PCDHA5: variants seen among roughly 807,000 people sequenced by gnomAD.
PCDHA5 encodes protocadherin alpha 5, also known as protocadherin alpha-5.
Under a neutral mutation model 61.6 loss-of-function variants are expected in PCDHA5, and 43 were observed. That is an observed-to-expected ratio of 0.70 (90% CI 0.55 to 0.90). PCDHA5 has a LOEUF of 0.90. Ranked by LOEUF, PCDHA5 falls within the 40% of genes least tolerant of loss-of-function variation. The pLI is 0.00. For synonymous variants in PCDHA5, 627 were observed against 543.9 expected (o/e 1.15, Z -2.13); for missense variants, 1,298 against 1,222.7 (o/e 1.06, Z -0.92).
In PCDHA5 at chr5:140,982,553, T is replaced by A. The variant is rs782605920; in HGVS notation, c.2490T>A (p.Ser830Arg). The A allele has an allele frequency of 1.9e-5, 30 of 1,614,054 alleles. No homozygotes were observed. In the South Asian group the frequency reaches 3.2e-4, roughly 17 times the overall value. ...GPDQQWPTVS[S>R]ATPEPEAGEV... ...ATCAGCAGTGGCCAACAGTATCCAG[T>A]GCAACACCAGGTAAAGAGCTGGGGT... The change falls in exon 3 of 4, where the codon AGT (serine) becomes AGA (arginine). Residue 830 changes from serine (S) to arginine (R), a missense_variant. Transcript: ENST00000529859.
chr5:140,896,536 CT>C (rs34213614), intron 1 of PCDHA5, among the ~76,000 whole-genome samples: 112 of 145,476 alleles, frequency 7.7e-4, no homozygotes, highest in Admixed American at 9.6e-4. Flanking sequence ...AGCTATTTTT[CT>C]TTTTTTTTTT....
rs1554204518 is a variant in PCDHA5 at position 140,927,427 on chromosome 5, G to A, written c.2353-51522G>A. Reference sequence around the variant, plus strand: ...CCTGGACATGGGATCGCGGGTTGACGGCAGCGAATACCCGGAGTTGGTGTT... The same window carrying A: ...CCTGGACATGGGATCGCGGGTTGACAGCAGCGAATACCCGGAGTTGGTGTT... On this transcript the variant is annotated intron_variant, in intron 1 of 3. Transcript: ENST00000529859. 1.2e-6 allele frequency: 2 copies of A among 1,614,114 alleles called. No homozygotes were observed. Among genetic ancestry groups the A allele is most frequent in the Non-Finnish European group, 1.7e-6 (2 of 1,179,974 alleles).
chr5:140,883,640 C>T (rs143631680), intron 1 of PCDHA5: 5 of 1,613,958 alleles, frequency 3.1e-6, no homozygotes, highest in Non-Finnish European at 4.2e-6. Context: ...GTTCGCGCAG[C>T]CCGAGTACAC....
At chr5:140,880,084 T>TAGTA (rs2058231039) in intron 1 of PCDHA5, among the ~76,000 whole-genome samples, 1 of 152,208 alleles carries the variant, frequency 6.6e-6, no homozygotes. Context: ...CAACCTATTA[T>TAGTA]AGTAGGCTTA....
chr5:140,834,317 G>T, intron 1 of PCDHA5: 1 of 1,393,006 alleles, frequency 7.2e-7, no homozygotes, highest in Non-Finnish European at 9.8e-7. Context: ...GAAATGAAGG[G>T]ATAAAAACAT....
At chr5:140,885,313 A>G (rs2060560221) in intron 1 of PCDHA5, among the ~76,000 whole-genome samples, 1 of 152,144 alleles carries the variant, frequency 6.6e-6, no homozygotes, top group East Asian at 1.9e-4. Flanking sequence ...GCTTTTTGTT[A>G]TTATTTCTTT....
chr5:140,823,126 G>A lies in PCDHA5; in HGVS notation c.1351G>A (p.Ala451Thr). 2 of 1,614,022 alleles carry A rather than the reference G, an allele frequency of 1.2e-6. No individual in the cohort carries two copies. Among genetic ancestry groups the A allele is most frequent in the Non-Finnish European group, 1.7e-6 (2 of 1,179,976 alleles). ...SVEVADVNDN[A>T]PAFAQPQYTV... ...GGAAGTGGCCGACGTGAACGACAAC[G>A]CTCCGGCGTTCGCGCAGCCCCAGTA... The change falls in exon 1 of 4, where the codon GCT becomes ACT. Residue 451 changes from alanine to threonine, a missense_variant. Physicochemically the swap from Ala to Thr is moderately conservative, Grantham distance 58. Transcript: ENST00000529859.
chr5:140,928,605 C>T, intron 1 of PCDHA5: 1 of 1,614,208 alleles, frequency 6.2e-7, no homozygotes, highest in South Asian at 1.1e-5. Flanking sequence ...AAATTGTGCC[C>T]CGCTCTGCCA....
chr5:140,969,680 G>A (rs2096353475), intron 1 of PCDHA5, among the ~76,000 whole-genome samples: 1 of 152,204 alleles, frequency 6.6e-6, no homozygotes, highest in African/African-American at 2.4e-5. Context: ...TGAGACTCAA[G>A]GAGAAATGGC....
intron 1 of PCDHA5, among the ~76,000 whole-genome samples, chr5:140,906,383 T>A (rs1386557574): frequency 6.6e-6 from 1 of 152,214 alleles, no homozygotes; most frequent in African/African-American, 2.4e-5. Context: ...TTACATAAAG[T>A]TAACATTTAA....
intron 1 of PCDHA5, among the ~76,000 whole-genome samples, chr5:140,893,408 T>C (rs1562871197): frequency 6.6e-6 from 1 of 152,076 alleles, no homozygotes; most frequent in Non-Finnish European, 1.5e-5. Flanking sequence ...ATCCCAGCAC[T>C]TAGGGAGGCA....
chr5:140,942,266 T>A (rs2093257794), intron 1 of PCDHA5, among the ~76,000 whole-genome samples: 1 of 152,134 alleles, frequency 6.6e-6, no homozygotes, highest in South Asian at 2.1e-4. Flanking sequence ...TATCTAAAGC[T>A]GGTAATGGTG....
At chr5:140,849,558 C>T in intron 1 of PCDHA5, 1 of 1,598,598 alleles carries the variant, frequency 6.3e-7, no homozygotes, top group Non-Finnish European at 8.6e-7. Context: ...TATCAAAACG[C>T]TCTCGGTTCC....
At position 140,857,729 on chromosome 5, in the gene PCDHA5, G is replaced by A. The variant is rs782508750; in HGVS notation, c.2352+33602G>A. 1.8e-5 allele frequency: 29 copies of A among 1,597,292 alleles called. 3 individuals are homozygous for A. The highest frequency in any genetic ancestry group is 1.3e-5 in the African/African-American group (1 of 74,288). ...GTTCGTGCTGGACGAGAACGACAACGCTCCCGCGCTGCTGGCGTCTCCCGC... is the reference window on the plus strand; with the variant it reads ...GTTCGTGCTGGACGAGAACGACAACACTCCCGCGCTGCTGGCGTCTCCCGC... On this transcript the variant is annotated intron_variant, in intron 1 of 3. Transcript: ENST00000529859.
chr5:140,904,225 T>A (rs782022279), intron 1 of PCDHA5, among the ~76,000 whole-genome samples: 5 of 152,020 alleles, frequency 3.3e-5, no homozygotes, highest in Non-Finnish European at 5.9e-5. Context: ...CATTGTATTA[T>A]ACTTATGCCT....
rs369053351 is a variant in PCDHA5, at chr5:140,982,539, C to A, written c.2476C>A (p.Pro826Thr). ...AGPGGPDQQW[P>T]TVSSATPEPE... The stretch of plus-strand genomic sequence containing the variant: ...TCCAGGAGGGCCTGATCAGCAGTGG[C>A]CAACAGTATCCAGTGCAACACCAGG... Residue 826 changes from proline (P) to threonine (T), a missense_variant, in exon 3 of 4, where the codon CCA (proline) becomes ACA (threonine). By Grantham distance (38) the Pro-to-Thr change is conservative. Coordinates refer to ENST00000529859, the MANE Select transcript of PCDHA5 (RefSeq NM_018908.3). 29 of 1,614,008 alleles carry A rather than the reference C, an allele frequency of 1.8e-5. No individual in the cohort carries two copies. The highest frequency in any genetic ancestry group is 2.2e-5 in the Non-Finnish European group (26 of 1,180,032).
intron 1 of PCDHA5, among the ~76,000 whole-genome samples, chr5:140,955,134 C>T (rs868995724): frequency 3.3e-5 from 5 of 152,022 alleles, no homozygotes; most frequent in African/African-American, 1.2e-4. Context: ...CTGGTCTACA[C>T]GTCTGTTTTT....
rs1434426263 is a variant in PCDHA5, at chr5:140,852,473, T to A, written c.2352+28346T>A. On this transcript the variant is annotated intron_variant, in intron 1 of 3. Coordinates refer to ENST00000529859, the MANE Select transcript of PCDHA5 (RefSeq NM_018908.3). ...TTGTATTTTTAGTAGAGATGGGGTT[T>A]CATCATGTTGGCCAGGTTGGTCTCG... 6 of 195,480 alleles carry A rather than the reference T, an allele frequency of 3.1e-5. 1 individual carries two copies. The highest frequency in any genetic ancestry group is 6.2e-5 in the Non-Finnish European group (6 of 97,540). 12.1% of individuals were successfully genotyped at this position (195,480 alleles called of 1,614,324 possible). A position where few individuals can be genotyped will look rare whatever the true frequency, so the allele number is the denominator to read the frequency against.
chr5:140,989,728 A>T (rs1453115061), intron 3 of PCDHA5, among the ~76,000 whole-genome samples: 6 of 152,184 alleles, frequency 3.9e-5, no homozygotes, highest in Admixed American at 3.9e-4. Flanking sequence ...TTGCAGTTGA[A>T]AAGGCCATTG....
Sources: allele counts gnomAD v4.1 joint callset (sites outside exome capture counted in the v4.1 genomes callset), GRCh38; gene constraint gnomAD v4.1.1; transcripts MANE v1.5; gene names NCBI Gene and HGNC (gene_info 2026-07-23, HGNC 2026-07-21).